Variants in L3MBTL3 observed in about 807,000 individuals in gnomAD.
L3MBTL3 encodes L3MBTL histone methyl-lysine binding protein 3.
A neutral mutation model predicts 102.3 loss-of-function variants in L3MBTL3; 27 were observed. That is an observed-to-expected ratio of 0.26 (90% CI 0.19 to 0.36). L3MBTL3 has a LOEUF of 0.36. Among genes scored for constraint, L3MBTL3 ranks in the 10% least tolerant of loss-of-function variants. The pLI, the probability that L3MBTL3 is intolerant of heterozygous loss-of-function variation, is 1.00. For missense variants in L3MBTL3, 798 were observed against 955.3 expected, an observed-to-expected ratio of 0.84 and a Z score of 2.17; for synonymous variants, 340 against 320.9, an observed-to-expected ratio of 1.06 and a Z score of -0.64.
At chr6:130,060,009 T>C (rs534979528) in intron 9 of L3MBTL3, 27 bp from the exon 10 acceptor site, 2 of 1,388,450 alleles carry the variant, frequency 1.4e-6, no homozygotes, top group African/African-American at 2.8e-5. Context: ...GATAAGGGAC[T>C]AAAACTGCTC....
At chr6:130,025,190 C>T (rs531138874) in intron 2 of L3MBTL3, among the ~76,000 whole-genome samples, 1 of 152,250 alleles carries the variant, frequency 6.6e-6, no homozygotes, top group Middle Eastern at 3.4e-3. Context: ...TTTGGGAATG[C>T]TTATAGTATA....
chr6:130,035,330 T>C (rs776085732), intron 2 of L3MBTL3, among the ~76,000 whole-genome samples: 3 of 152,224 alleles, frequency 2.0e-5, no homozygotes, highest in Non-Finnish European at 2.9e-5. Flanking sequence ...GCCAGGGATT[T>C]ATTTACATGA....
At chr6:130,031,701 A>G (rs1435716809) in intron 2 of L3MBTL3, among the ~76,000 whole-genome samples, 2 of 152,152 alleles carry the variant, frequency 1.3e-5, no homozygotes, top group Non-Finnish European at 2.9e-5. Context: ...CTCTGGAAAG[A>G]GGGCCTGAGC....
At chr6:130,054,028 C>G (rs1052793455) in intron 7 of L3MBTL3, among the ~76,000 whole-genome samples, 12 of 152,178 alleles carry the variant, frequency 7.9e-5, no homozygotes, top group Non-Finnish European at 2.9e-5. Flanking sequence ...TTAGGATTGG[C>G]TGACTACTTT....
At chr6:130,090,004 C>A (rs1007169657) in intron 16 of L3MBTL3, among the ~76,000 whole-genome samples, 3 of 152,146 alleles carry the variant, frequency 2.0e-5, no homozygotes, top group African/African-American at 7.2e-5. Context: ...ACAAAGCTTT[C>A]ATCCTGACAC....
chr6:130,108,508 C>T (rs1785142553), intron 19 of L3MBTL3, among the ~76,000 whole-genome samples: 1 of 152,044 alleles, frequency 6.6e-6, no homozygotes, highest in Non-Finnish European at 1.5e-5. Context: ...GCTGGGATTA[C>T]AGGCATCAGC....
intron 18 of L3MBTL3, 76 bp from the exon 19 acceptor site, chr6:130,104,350 C>A: frequency 1.9e-6 from 2 of 1,056,990 alleles, no homozygotes; most frequent in African/African-American, 1.6e-5. Flanking sequence ...TGTATCCTGT[C>A]ATTTTAATTG....
At chr6:130,065,200 C>T (rs1051424342) in intron 10 of L3MBTL3, among the ~76,000 whole-genome samples, 23 of 152,028 alleles carry the variant, frequency 1.5e-4, no homozygotes, top group African/African-American at 5.3e-4. Context: ...CCCATTTTGC[C>T]CCTTCCTTTT....
At chr6:130,108,290 A>C (rs1459746002) in intron 19 of L3MBTL3, among the ~76,000 whole-genome samples, 1 of 126,090 alleles carries the variant, frequency 7.9e-6, no homozygotes, top group African/African-American at 2.9e-5. Flanking sequence ...GCTGGAGTGC[A>C]GTGGCGTGAT....
At chr6:130,089,750 T>C (rs1319226366) in intron 16 of L3MBTL3, among the ~76,000 whole-genome samples, 1 of 152,126 alleles carries the variant, frequency 6.6e-6, no homozygotes, top group African/African-American at 2.4e-5. Flanking sequence ...TTTTTAATAA[T>C]TGCCATTCTA....
intron 19 of L3MBTL3, among the ~76,000 whole-genome samples, chr6:130,111,382 C>T (rs150643558): frequency 4.3e-4 from 66 of 152,314 alleles, no homozygotes; most frequent in African/African-American, 1.5e-3. Context: ...AATTCCCCAG[C>T]ACATCCTCCC....
chr6:130,126,554 G>A (rs1180513027), intron 20 of L3MBTL3, among the ~76,000 whole-genome samples: 6 of 152,126 alleles, frequency 3.9e-5, no homozygotes, highest in Non-Finnish European at 8.8e-5. Flanking sequence ...GTTTATTTCA[G>A]GATCATCTTT....
At position 130,094,358 on chromosome 6, in the gene L3MBTL3, G is replaced by C. The variant is rs1298268031; in HGVS notation, c.1727G>C (p.Gly576Ala). 6.2e-7 allele frequency: 1 copy of C among 1,612,756 alleles called. No homozygotes were observed. The highest frequency in any genetic ancestry group is 1.1e-5 in the South Asian group (1 of 90,990). Residue 576 changes from glycine to alanine, a missense_variant, in exon 18 of 23, where the codon GGC (glycine) becomes GCC (alanine). Gly to Ala is a moderately conservative substitution (Grantham distance 60, BLOSUM62 0). Coordinates refer to ENST00000361794, the MANE Select transcript of L3MBTL3 (RefSeq NM_032438.4). Reference protein sequence around the residue: ...IGHFKRARHLGPHSAANCPYS... With the variant: ...IGHFKRARHLAPHSAANCPYS... ...CATTTCAAGAGAGCGAGACATCTGG[G>C]CCCTCACAGGTATGTGGTAGCTGTC...
chr6:130,121,037 A>C (rs1786141513), intron 20 of L3MBTL3, 79 bp downstream of exon 20: 1 of 852,580 alleles, frequency 1.2e-6, no homozygotes, highest in Admixed American at 2.4e-5. Context: ...GGAATACAAC[A>C]GTCTCTTTTA....
intron 10 of L3MBTL3, among the ~76,000 whole-genome samples, chr6:130,061,604 C>G (rs1442066009): frequency 6.6e-6 from 1 of 152,132 alleles, no homozygotes; most frequent in East Asian, 1.9e-4. Context: ...TACTGACACT[C>G]TCAAACTTGA....
At chr6:130,062,802 C>CAA (rs80265849) in intron 10 of L3MBTL3, among the ~76,000 whole-genome samples, 1 of 127,254 alleles carries the variant, frequency 7.9e-6, no homozygotes, top group South Asian at 2.5e-4. Context: ...TTTCATTATT[C>CAA]AAAAAAAAAA....
At chr6:130,110,888 C>G (rs1785308123) in intron 19 of L3MBTL3, among the ~76,000 whole-genome samples, 1 of 152,086 alleles carries the variant, frequency 6.6e-6, no homozygotes, top group South Asian at 2.1e-4. Context: ...GTTTTCTTTG[C>G]TATTCTTAAG....
At chr6:130,112,466 A>G (rs1785414705) in intron 19 of L3MBTL3, among the ~76,000 whole-genome samples, 1 of 152,190 alleles carries the variant, frequency 6.6e-6, no homozygotes, top group Admixed American at 6.5e-5. Context: ...AAATTCCCCA[A>G]AAACATACCT....
chr6:130,037,153 C>G (rs1031570462), intron 2 of L3MBTL3, among the ~76,000 whole-genome samples: 7 of 152,120 alleles, frequency 4.6e-5, no homozygotes, highest in South Asian at 2.1e-4. Flanking sequence ...TGTATTGTGC[C>G]TGACACTTAG....
Sources: gnomAD v4.1 joint callset for allele counts (sites outside exome capture counted in the v4.1 genomes callset) on GRCh38, gnomAD v4.1.1 for gene constraint, MANE v1.5 for transcripts, NCBI Gene and HGNC (gene_info 2026-07-23, HGNC 2026-07-21) for gene names.